The following KCNQ1 variants were observed in gnomAD, a reference collection of about 807,000 sequenced individuals.
KCNQ1 encodes the protein potassium voltage-gated channel subfamily Q member 1, also known as potassium voltage-gated channel subfamily KQT member 1.
KCNQ1 carries 49 observed loss-of-function variants against 72.4 expected under a neutral mutation model. That is an observed-to-expected ratio of 0.68 (90% confidence interval 0.54 to 0.86). The LOEUF (loss-of-function observed/expected upper bound fraction) is 0.86. Ranked by LOEUF, KCNQ1 falls within the 40% of genes least tolerant of loss-of-function variation. The pLI is 0.00. For missense variants in KCNQ1, 790 were observed against 945.1 expected, an observed-to-expected ratio of 0.84 and a Z score of 2.15; for synonymous variants, 450 against 412.6, an observed-to-expected ratio of 1.09 and a Z score of -1.10.
intron 6 of KCNQ1, among the ~76,000 whole-genome samples, chr11:2,574,268 C>T (rs958236709): frequency 2.0e-5 from 3 of 152,198 alleles, no homozygotes; most frequent in Non-Finnish European, 4.4e-5. Flanking sequence ...GCCCAAGTGC[C>T]GAGGTGACAG....
At chr11:2,814,044 T>C (rs1333081998) in intron 15 of KCNQ1, among the ~76,000 whole-genome samples, 3 of 148,270 alleles carry the variant, frequency 2.0e-5, no homozygotes, top group Non-Finnish European at 4.5e-5. Context: ...TGTGGGTATG[T>C]GGATGGAGAG....
At chr11:2,812,382 C>T (rs1473419771) in intron 15 of KCNQ1, among the ~76,000 whole-genome samples, 1 of 152,138 alleles carries the variant, frequency 6.6e-6, no homozygotes, top group Non-Finnish European at 1.5e-5. Context: ...GGGTTCCGTT[C>T]CCTCCCCCAC....
In KCNQ1 at chr11:2,710,883, T is replaced by G. The variant is rs1850990698; in HGVS notation, c.1514+48802T>G. On this transcript the variant is annotated intron_variant, in intron 11 of 15. Coordinates refer to ENST00000155840, the MANE Select transcript of KCNQ1 (RefSeq NM_000218.3). The surrounding 1 kb of genome is among the most constrained non-coding windows in gnomAD (Gnocchi z 4.1). The stretch of plus-strand genomic sequence containing the variant: ...TATATCGTCTTGATTGTTATAGCTT[T>G]GTAGTGAGTTTTAAAATTGGAAAGT... 6.6e-6 allele frequency among the ~76,000 whole-genome samples: 1 copy of G among 152,252 alleles called. No homozygotes were observed. Among genetic ancestry groups the G allele is most frequent in the Non-Finnish European group, 1.5e-5 (1 of 68,050 alleles).
chr11:2,587,642 C>T lies in KCNQ1; in HGVS notation c.1201C>T (p.Arg401Trp), dbSNP rs766616232. 58 of 1,613,838 alleles carry T rather than the reference C, an allele frequency of 3.6e-5. No homozygotes were observed. The Admixed American group carries it at 3.7e-4, about 10-fold the overall frequency. Residue 401 changes from arginine (R) to tryptophan (W), a missense_variant, in exon 9 of 16, where the codon CGG becomes TGG. Arg to Trp is a moderately radical substitution (Grantham distance 101, BLOSUM62 -3). This residue lies in a region of KCNQ1 where 178 missense variants were observed against 177.9 expected (regional missense o/e 1.00). Coordinates refer to ENST00000155840, the MANE Select transcript of KCNQ1 (RefSeq NM_000218.3). ...GAAGATCTACATCCGGAAGGCCCCCCGGAGCCACACTCTGCTGTCACCCAG... is the reference window on the plus strand; with the variant it reads ...GAAGATCTACATCCGGAAGGCCCCCTGGAGCCACACTCTGCTGTCACCCAG... ...TWKIYIRKAP[R>W]SHTLLSPSPK...
At position 2,730,147 on chromosome 11, in the gene KCNQ1, A is replaced by C. The variant is rs530201908; in HGVS notation, c.1515-38697A>C. Among the ~76,000 whole-genome samples, 173 of 152,258 alleles carry C rather than the reference A, an allele frequency of 1.1e-3. 1 individual carries two copies. Among genetic ancestry groups the C allele is most frequent in the African/African-American group, 3.9e-3 (161 of 41,548 alleles). ...CTGCAGAGCCAAGAATGGACCACTG[A>C]GGGGCTGGGACAGACCTGGCAGACC... On this transcript the variant is annotated intron_variant, in intron 11 of 15. Coordinates refer to ENST00000155840, the MANE Select transcript of KCNQ1 (RefSeq NM_000218.3).
intron 11 of KCNQ1, among the ~76,000 whole-genome samples, chr11:2,728,607 G>A (rs952881339): frequency 5.3e-5 from 8 of 152,330 alleles, no homozygotes; most frequent in South Asian, 2.1e-4. Context: ...GTGAGGGCAC[G>A]GGGCCTGAGC....
Position 2,617,014 on chromosome 11 carries a change from A to G in KCNQ1, c.1393+28160A>G, listed in dbSNP as rs1312065032. The G allele has an allele frequency of 2.5e-6, 1 of 398,078 alleles. No homozygotes were observed. The highest frequency in any genetic ancestry group is 4.4e-5 in the Admixed American group (1 of 22,692). 24.7% of individuals were successfully genotyped at this position (398,078 alleles called of 1,614,324 possible). On this transcript the variant is annotated intron_variant, in intron 10 of 15. Transcript: ENST00000155840. The surrounding 1 kb of genome is among the most constrained non-coding windows in gnomAD (Gnocchi z 4.6). ...TGCATATTTAGTGTATAAAACATAC[A>G]GTTAAATCGTTAACATAGTGATGCA...
rs1422135576 is a variant in KCNQ1 at position 2,657,404 on chromosome 11, C to T, written c.1394-4557C>T. 1.3e-5 allele frequency: 5 copies of T among 398,412 alleles called. No homozygotes were observed. The East Asian group carries it at 1.8e-4, about 14-fold the overall frequency. The allele number at this position is 398,412 out of a possible 1,614,324, so 24.7% of individuals were successfully genotyped here. ...TCTCTTACTAAAGTTTTACAATTTT[C>T]TCCAGAGTTCTTGCATATACTTAGT... On this transcript the variant is annotated intron_variant, in intron 10 of 15. Coordinates refer to ENST00000155840, the MANE Select transcript of KCNQ1 (RefSeq NM_000218.3). The surrounding 1 kb of genome is among the most constrained non-coding windows in gnomAD (Gnocchi z 4.8).
chr11:2,597,225 A>G (rs1287803909), intron 10 of KCNQ1, among the ~76,000 whole-genome samples: 1 of 152,210 alleles, frequency 6.6e-6, no homozygotes. Flanking sequence ...TCTCAGTCTC[A>G]GTCATTGATG....
At chr11:2,700,843 C>T (rs924143600) in intron 11 of KCNQ1, among the ~76,000 whole-genome samples, 1 of 152,162 alleles carries the variant, frequency 6.6e-6, no homozygotes, top group Non-Finnish European at 1.5e-5. Flanking sequence ...GTCCCCTCCG[C>T]GCCGCTGGCG....
Position 2,824,037 on chromosome 11 carries a change from C to A in KCNQ1, c.1795-23730C>A, listed in dbSNP as rs1430716967. 6.6e-6 allele frequency among the ~76,000 whole-genome samples: 1 copy of A among 152,212 alleles called. No individual in the cohort carries two copies. The highest frequency in any genetic ancestry group is 1.5e-5 in the Non-Finnish European group (1 of 68,042). On this transcript the variant is annotated intron_variant, in intron 15 of 15. Coordinates refer to ENST00000155840, the MANE Select transcript of KCNQ1 (RefSeq NM_000218.3). The surrounding 1 kb of genome is among the most constrained non-coding windows in gnomAD (Gnocchi z 5.9). ...GGGCATGCACACTAAGGCCTGGAGG[C>A]TTGTGCTTATCCATCATATAGCAGG...
chr11:2,811,669 T>G (rs994697391), intron 15 of KCNQ1, among the ~76,000 whole-genome samples: 5 of 152,100 alleles, frequency 3.3e-5, no homozygotes, highest in Non-Finnish European at 7.4e-5. Flanking sequence ...GATGTCCCAG[T>G]GGGCGCGCAG....
rs1361052068 is a variant in KCNQ1, at chr11:2,544,358, GTA to G, written c.477+16348_477+16349del. On this transcript the variant is annotated intron_variant, in intron 2 of 15. Coordinates refer to ENST00000155840, the MANE Select transcript of KCNQ1 (RefSeq NM_000218.3). The surrounding 1 kb of genome is among the most constrained non-coding windows in gnomAD (Gnocchi z 4.4). ...TGTGTATGTATATGTATATATATGT[GTA>G]TATATATGTGTATATATATGTGTGC... 2.1e-5 allele frequency among the ~76,000 whole-genome samples: 3 copies of G among 146,228 alleles called. No homozygotes were observed. The highest frequency in any genetic ancestry group is 5.1e-5 in the African/African-American group (2 of 39,402).
intron 15 of KCNQ1, among the ~76,000 whole-genome samples, chr11:2,791,776 C>T (rs1160334810): frequency 9.2e-5 from 13 of 141,294 alleles, no homozygotes; most frequent in Admixed American, 9.1e-4. Context: ...CAGGTGGATG[C>T]CCAGGTCCTC....
At position 2,847,778 on chromosome 11, in the gene KCNQ1, G is replaced by A. The variant is rs991680454; in HGVS notation, c.1806G>A (p.Leu602=). ...CTTTGTCCCCGCAGGTGACGCAGCT[G>A]GACCAGAGGCTGGCACTCATCACCG... The part of the protein sequence containing the change: ...LNRVEDKVTQ[L]DQRLALITDM... The change falls in exon 16 of 16, where the codon CTG becomes CTA. Residue 602 remains leucine (L), a synonymous_variant. Transcript: ENST00000155840. The A allele has an allele frequency of 1.9e-6, 3 of 1,573,794 alleles. No homozygotes were observed. The highest frequency in any genetic ancestry group is 3.7e-5 in the Admixed American group (2 of 54,614).
chr11:2,722,626 A>G (rs1419493058), intron 11 of KCNQ1, among the ~76,000 whole-genome samples: 1 of 152,032 alleles, frequency 6.6e-6, no homozygotes, highest in Admixed American at 6.5e-5. Context: ...AGCTGATGAG[A>G]GCGATGCCGT....
chr11:2,456,783 A>C (rs1468241237), intron 1 of KCNQ1, among the ~76,000 whole-genome samples: 1,252 of 113,882 alleles, frequency 0.011, 30 homozygotes, highest in African/African-American at 0.039. Flanking sequence ...AAAAAAAAAA[A>C]AAAAAATTAG....
At chr11:2,845,896 C>A (rs1848316074) in intron 15 of KCNQ1, among the ~76,000 whole-genome samples, 1 of 152,178 alleles carries the variant, frequency 6.6e-6, no homozygotes, top group Non-Finnish European at 1.5e-5. Context: ...GCCGCCTCTT[C>A]CTTAGCCTGC....
rs1376836895 is a variant in KCNQ1 at position 2,617,127 on chromosome 11, T to C, written c.1393+28273T>C. 10 of 398,210 alleles carry C rather than the reference T, an allele frequency of 2.5e-5. No homozygotes were observed. Among genetic ancestry groups the C allele is most frequent in the Non-Finnish European group, 4.4e-5 (10 of 225,912 alleles). The allele number at this position is 398,210 out of a possible 1,614,324, so 24.7% of individuals were successfully genotyped here. A position where few individuals can be genotyped will look rare whatever the true frequency, so the allele number is the denominator to read the frequency against. On this transcript the variant is annotated intron_variant, in intron 10 of 15. Transcript: ENST00000155840. This position sits in a 1 kb window ranked among gnomAD's most constrained non-coding sequence, Gnocchi z 4.6. ...CTACTCAATTGGCAAAAATTCCAAATGCAATATACTAACTATTCTCATGTT... is the reference window on the plus strand; with the variant it reads ...CTACTCAATTGGCAAAAATTCCAAACGCAATATACTAACTATTCTCATGTT...
Sources: gnomAD v4.1 joint callset for allele counts (sites outside exome capture counted in the v4.1 genomes callset) on GRCh38, gnomAD v4.1.1 for gene constraint, gnomAD v4.1.1 regional missense constraint, Gnocchi (gnomAD v3.1) non-coding constraint, MANE v1.5 for transcripts, NCBI Gene and HGNC (gene_info 2026-07-23, HGNC 2026-07-21) for gene names.